The following KIAA1958 variants were observed in gnomAD, a reference collection of about 807,000 sequenced individuals.
The protein encoded by KIAA1958 is KIAA1958.
Under a neutral mutation model 47.2 loss-of-function variants are expected in KIAA1958, and 14 were observed. That is an observed-to-expected ratio of 0.30 (90% CI 0.20 to 0.46). The LOEUF (loss-of-function observed/expected upper bound fraction) is 0.46, where lower values mean the gene tolerates loss of function less well. KIAA1958 is among the 20% of genes least tolerant of loss of function. The pLI, the probability that KIAA1958 is intolerant of heterozygous loss-of-function variation, is 1.00. For synonymous variants in KIAA1958, 354 were observed against 353.3 expected (o/e 1.00, Z -0.02); for missense variants, 803 against 909.2 (o/e 0.88, Z 1.50).
chr9:112,583,515 T>C (rs748642616), intron 2 of KIAA1958, among the ~76,000 whole-genome samples: 6 of 152,176 alleles, frequency 3.9e-5, no homozygotes, highest in Admixed American at 1.3e-4. Flanking sequence ...AAAGGAGATA[T>C]GTACAGGGGT....
intron 2 of KIAA1958, among the ~76,000 whole-genome samples, chr9:112,615,366 G>A (rs369533678): frequency 1.1e-3 from 155 of 146,662 alleles, no homozygotes; most frequent in African/African-American, 3.4e-3. Context: ...GTTGCAGTGA[G>A]CCAAGATCAT....
intron 1 of KIAA1958, among the ~76,000 whole-genome samples, chr9:112,507,831 C>G (rs1834257165): frequency 6.6e-6 from 1 of 151,612 alleles, no homozygotes; most frequent in African/African-American, 2.4e-5. Context: ...TGAGGTTTCA[C>G]TATATTTCCT....
rs1412356153 is a variant in KIAA1958, at chr9:112,666,282, G to A, written c.*6213G>A. The A allele has an allele frequency of 6.6e-6, 1 of 151,802 alleles. No homozygotes were observed. Among genetic ancestry groups the A allele is most frequent in the African/African-American group, 2.4e-5 (1 of 41,304 alleles). 9.4% of individuals were successfully genotyped at this position (151,802 alleles called of 1,614,324 possible). ...GTTTTCTGTTCTTTTTTCCTTTATC[G>A]GGGCATATTTATTTTCTCTTTGGAG... On this transcript the variant is annotated 3_prime_UTR_variant, in exon 4 of 4. Coordinates refer to ENST00000337530, the MANE Select transcript of KIAA1958 (RefSeq NM_133465.4).
intron 1 of KIAA1958, among the ~76,000 whole-genome samples, chr9:112,539,926 A>G (rs1215836812): frequency 6.6e-6 from 1 of 152,098 alleles, no homozygotes; most frequent in Non-Finnish European, 1.5e-5. Context: ...CCTGACCTCA[A>G]ATGATTCACC....
chr9:112,585,371 T>C (rs1360170564), intron 2 of KIAA1958, among the ~76,000 whole-genome samples: 1 of 152,106 alleles, frequency 6.6e-6, no homozygotes. Context: ...ATATTTCAGG[T>C]AGAAGGAATA....
chr9:112,617,853 C>T (rs1210686738), intron 2 of KIAA1958: 6 of 1,531,218 alleles, frequency 3.9e-6, no homozygotes, highest in Non-Finnish European at 5.3e-6. Flanking sequence ...CTATCCCTCC[C>T]CCCCCAATTT....
Position 112,665,715 on chromosome 9 carries a change from T to C in KIAA1958, c.*5646T>C, listed in dbSNP as rs1837344644. The stretch of plus-strand genomic sequence containing the variant: ...TGGAAAGCCTGGCGGTTCCCCAGTA[T>C]TTTCTGCCTACTGGGAACCTTCTGT... On this transcript the variant is annotated 3_prime_UTR_variant, in exon 4 of 4. Coordinates refer to ENST00000337530, the MANE Select transcript of KIAA1958 (RefSeq NM_133465.4). 1 of 152,210 alleles carries C rather than the reference T, an allele frequency of 6.6e-6. No individual in the cohort carries two copies. Among genetic ancestry groups the C allele is most frequent in the South Asian group, 2.1e-4 (1 of 4,834 alleles). The allele number at this position is 152,210 out of a possible 1,614,324, so 9.4% of individuals were successfully genotyped here. A position where few individuals can be genotyped will look rare whatever the true frequency, so the allele number is the denominator to read the frequency against.
intron 2 of KIAA1958, among the ~76,000 whole-genome samples, chr9:112,578,450 T>C (rs1376546430): frequency 6.6e-6 from 1 of 152,182 alleles, no homozygotes; most frequent in Non-Finnish European, 1.5e-5. Flanking sequence ...ACTGAGTCTT[T>C]ATCAGATCAT....
chr9:112,648,886 G>A (rs548674363), intron 3 of KIAA1958, among the ~76,000 whole-genome samples: 40 of 152,188 alleles, frequency 2.6e-4, no homozygotes, highest in African/African-American at 9.4e-4. Context: ...TCCCTTAAAG[G>A]ATGAATCCAT....
Position 112,665,189 on chromosome 9 carries a change from A to G in KIAA1958, c.*5120A>G, listed in dbSNP as rs1837337659. 1 of 152,202 alleles carries G rather than the reference A, an allele frequency of 6.6e-6. No homozygotes were observed. The highest frequency in any genetic ancestry group is 2.4e-5 in the African/African-American group (1 of 41,460). 9.4% of individuals were successfully genotyped at this position (152,202 alleles called of 1,614,324 possible). A position where few individuals can be genotyped will look rare whatever the true frequency, so the allele number is the denominator to read the frequency against. On this transcript the variant is annotated 3_prime_UTR_variant, in exon 4 of 4. Transcript: ENST00000337530. ...TCTCCCTCCCCCCATTGAGGTGAGA[A>G]TGGGCTCCTAGATACTTGGTGGTCA...
chr9:112,579,098 C>T (rs1055405540), intron 2 of KIAA1958, among the ~76,000 whole-genome samples: 6 of 151,812 alleles, frequency 4.0e-5, no homozygotes, highest in African/African-American at 1.5e-4. Context: ...GAAATAGTAA[C>T]TCATAATCTC....
chr9:112,583,338 C>CCAAGTGTT (rs1190203652), intron 2 of KIAA1958, among the ~76,000 whole-genome samples: 1 of 152,094 alleles, frequency 6.6e-6, no homozygotes, highest in Non-Finnish European at 1.5e-5. Context: ...TTTAAGTATT[C>CCAAGTGTT]CAAGTGTTAT....
intron 3 of KIAA1958, among the ~76,000 whole-genome samples, chr9:112,653,628 C>T (rs890304058): frequency 3.3e-5 from 5 of 152,168 alleles, no homozygotes; most frequent in Non-Finnish European, 7.3e-5. Flanking sequence ...AAGCAGGCCA[C>T]GTGCGGTCAC....
intron 2 of KIAA1958, among the ~76,000 whole-genome samples, chr9:112,586,010 C>T (rs1835817189): frequency 6.6e-6 from 1 of 152,196 alleles, no homozygotes; most frequent in Admixed American, 6.5e-5. Context: ...AACATGGTTC[C>T]TGTTCTCATG....
At chr9:112,544,359 T>C (rs2132827812) in intron 1 of KIAA1958, among the ~76,000 whole-genome samples, 1 of 152,392 alleles carries the variant, frequency 6.6e-6, no homozygotes, top group Middle Eastern at 3.4e-3. Flanking sequence ...CATGCCATGC[T>C]ATTTTGTAAT....
intron 1 of KIAA1958, among the ~76,000 whole-genome samples, chr9:112,572,950 A>C (rs939590566): frequency 6.6e-6 from 1 of 152,198 alleles, no homozygotes; most frequent in Admixed American, 6.5e-5. Flanking sequence ...GCCTGACTGC[A>C]GAGCACCAGC....
At chr9:112,509,849 T>G (rs574537292) in intron 1 of KIAA1958, among the ~76,000 whole-genome samples, 4 of 152,140 alleles carry the variant, frequency 2.6e-5, no homozygotes, top group Non-Finnish European at 4.4e-5. Context: ...AGAAAAGTTA[T>G]GGAGAAGCCA....
intron 2 of KIAA1958, among the ~76,000 whole-genome samples, chr9:112,600,937 C>T (rs1219913703): frequency 1.3e-5 from 2 of 152,114 alleles, no homozygotes; most frequent in African/African-American, 4.8e-5. Context: ...ACAGTTTATA[C>T]CCATTTTACA....
At chr9:112,504,395 G>A (rs1834198790) in intron 1 of KIAA1958, among the ~76,000 whole-genome samples, 2 of 152,100 alleles carry the variant, frequency 1.3e-5, no homozygotes, top group Admixed American at 6.5e-5. Context: ...CGCCATGTTG[G>A]CCAGGCGGGT....
Sources: allele counts gnomAD v4.1 joint callset (sites outside exome capture counted in the v4.1 genomes callset), GRCh38; gene constraint gnomAD v4.1.1; transcripts MANE v1.5; gene names NCBI Gene and HGNC (gene_info 2026-07-23, HGNC 2026-07-21).